The following ZNF600 variants were observed in gnomAD, a reference collection of about 807,000 sequenced individuals.
ZNF600 encodes the protein zinc finger protein KR-ZNF1.
ZNF600 carries 4 observed loss-of-function variants against 7.3 expected under a neutral mutation model. The observed-to-expected ratio is 0.55, with a 90% CI of 0.27 to 1.25. The LOEUF is 1.25. Ranked by LOEUF, ZNF600 falls within the 50% of genes most tolerant of loss-of-function variation. The pLI is 0.12. For missense variants in ZNF600, 911 were observed against 922.1 expected (o/e 0.99, Z 0.16); for synonymous variants, 290 against 308.9 (o/e 0.94, Z 0.64).
rs1282963976 is a variant in ZNF600, at chr19:52,767,228, G to A, written c.735C>T (p.Leu245=). Residue 245 remains leucine (L), a synonymous_variant, in exon 4 of 4, where the codon CTC becomes CTT. Coordinates refer to ENST00000648973, the Ensembl canonical transcript of ZNF600. Reference sequence around the variant, plus strand: ...AATGGGGTATCTGGTGTTTCCTTAAGAGTGAGCTACAATTAAAGGCTTTGC... The same window carrying A: ...AATGGGGTATCTGGTGTTTCCTTAAAAGTGAGCTACAATTAAAGGCTTTGC... 4 of 1,614,158 alleles carry A rather than the reference G, an allele frequency of 2.5e-6. No individual in the cohort carries two copies. In the South Asian group the frequency reaches 4.4e-5, roughly 18 times the overall value.
intron 1 of ZNF600, among the ~76,000 whole-genome samples, chr19:52,784,848 C>T (rs10407762): frequency 0.14 from 21,648 of 152,200 alleles, 1,648 homozygotes; most frequent in Non-Finnish European, 0.17. Flanking sequence ...CCTGCTTCGG[C>T]CTAGAGAAGC....
chr19:52,794,602 C>G, the ZNF600 span, among the ~76,000 whole-genome samples: 4 of 152,150 alleles, frequency 2.6e-5, no homozygotes, highest in African/African-American at 9.7e-5. Context: ...ACCCTGTAAT[C>G]CCAGCACTTT....
the ZNF600 span, chr19:52,800,465 A>G: frequency 6.2e-6 from 10 of 1,613,612 alleles, no homozygotes; most frequent in African/African-American, 1.3e-5. Context: ...CTGCAGTATG[A>G]AGTCTATGAT....
the ZNF600 span, chr19:52,800,767 A>G: frequency 1.9e-6 from 3 of 1,614,124 alleles, no homozygotes; most frequent in Non-Finnish European, 2.5e-6. Context: ...ACCTTGCCAC[A>G]TTCATTACAC....
At chr19:52,774,152 A>G (rs2062652980) in intron 3 of ZNF600, among the ~76,000 whole-genome samples, 2 of 151,790 alleles carry the variant, frequency 1.3e-5, no homozygotes, top group African/African-American at 4.8e-5. Flanking sequence ...GGATGGGTCC[A>G]GGGGCTGTGG....
rs923471034 is a variant in ZNF600 at position 52,771,814 on chromosome 19, T to C, written c.190+2761A>G. Among the ~76,000 whole-genome samples the C allele has an allele frequency of 3.3e-5, 5 of 152,188 alleles. No individual in the cohort carries two copies. The East Asian group carries it at 7.7e-4, about 23-fold the overall frequency. ...ATTTAGTAGATTCAAGGTTTCATTATGTTTGCCCGACTGCTCTCAAACTCC... is the reference window on the plus strand; with the variant it reads ...ATTTAGTAGATTCAAGGTTTCATTACGTTTGCCCGACTGCTCTCAAACTCC... On this transcript the variant is annotated intron_variant, in intron 3 of 3. Transcript: ENST00000648973.
upstream of ZNF600, among the ~76,000 whole-genome samples, chr19:52,790,164 G>A (rs1239756857): frequency 6.6e-6 from 1 of 152,152 alleles, no homozygotes; most frequent in East Asian, 1.9e-4. Context: ...GGCCATCTGG[G>A]CGTATACGTG....
At chr19:52,814,275 A>T in the ZNF600 span, 1 of 146,044 alleles carries the variant, frequency 6.8e-6, no homozygotes, top group East Asian at 2.0e-4. Context: ...GTGATGTTTA[A>T]ATATAACCAT....
intron 2 of ZNF600, among the ~76,000 whole-genome samples, chr19:52,777,426 A>G (rs2147540083): frequency 6.6e-6 from 1 of 152,120 alleles, no homozygotes; most frequent in South Asian, 2.1e-4. Flanking sequence ...CTGGAATGCC[A>G]GCAATTTGGG....
At chr19:52,830,232 A>T in the ZNF600 span, among the ~76,000 whole-genome samples, 5 of 152,200 alleles carry the variant, frequency 3.3e-5, no homozygotes, top group African/African-American at 7.2e-5. Flanking sequence ...AGGTTGCACC[A>T]CTGCAGTCCA....
At chr19:52,809,828 C>T in the ZNF600 span, 21 of 550,932 alleles carry the variant, frequency 3.8e-5, 1 homozygote, top group South Asian at 3.6e-4. Context: ...GCGAAGGCGG[C>T]GGCGGCGGCG....
chr19:52,783,083 A>T (rs1466212972), intron 1 of ZNF600, among the ~76,000 whole-genome samples: 1 of 145,002 alleles, frequency 6.9e-6, no homozygotes. Context: ...GAAGAGGGTG[A>T]TCCACAAGGA....
upstream of ZNF600, among the ~76,000 whole-genome samples, chr19:52,790,371 C>A (rs529410626): frequency 1.4e-3 from 206 of 152,254 alleles, 1 homozygote; most frequent in African/African-American, 4.8e-3. Context: ...GTGGTGCACA[C>A]CTTTAGCCCC....
At chr19:52,773,249 G>A (rs1363025437) in intron 3 of ZNF600, among the ~76,000 whole-genome samples, 1 of 152,182 alleles carries the variant, frequency 6.6e-6, no homozygotes, top group African/African-American at 2.4e-5. Context: ...CTTGAGCTTG[G>A]AAGAAAGTGG....
chr19:52,808,096 G>C, the ZNF600 span: 2 of 1,613,396 alleles, frequency 1.2e-6, no homozygotes, highest in Non-Finnish European at 1.7e-6. Flanking sequence ...CTCCTCCTGA[G>C]AGAATTCTAT....
At chr19:52,822,687 G>T in the ZNF600 span, among the ~76,000 whole-genome samples, 1 of 152,144 alleles carries the variant, frequency 6.6e-6, no homozygotes, top group Non-Finnish European at 1.5e-5. Flanking sequence ...GGCTGTACTT[G>T]GTAATGGAGG....
the ZNF600 span, among the ~76,000 whole-genome samples, chr19:52,792,583 G>A: frequency 1.3e-5 from 2 of 152,012 alleles, no homozygotes; most frequent in East Asian, 1.9e-4. Context: ...TCAAAAGATT[G>A]CAACCATTTG....
chr19:52,814,844 A>G, the ZNF600 span, among the ~76,000 whole-genome samples: 3 of 146,670 alleles, frequency 2.0e-5, 1 homozygote, highest in East Asian at 6.0e-4. Context: ...CCAAGATCAC[A>G]CCACTGCGCT....
chr19:52,775,352 CCATCCTGGTCAA>C (rs1267502737), intron 2 of ZNF600, among the ~76,000 whole-genome samples: 2 of 152,008 alleles, frequency 1.3e-5, no homozygotes, highest in African/African-American at 2.4e-5. Flanking sequence ...GAGATTGAGA[CCATCCTGGTCAA>C]CATGGCAAAA....
Sources: gnomAD v4.1 joint callset for allele counts (sites outside exome capture counted in the v4.1 genomes callset) on GRCh38, gnomAD v4.1.1 for gene constraint, MANE v1.5 for transcripts, NCBI Gene and HGNC (gene_info 2026-07-23, HGNC 2026-07-21) for gene names.